DGKZ: variants seen among roughly 807,000 people sequenced by gnomAD.
The protein encoded by DGKZ is DAG kinase zeta.
In DGKZ, 45 loss-of-function variants were observed where a neutral mutation model predicts 142.5. That is an observed-to-expected ratio of 0.32 (90% CI 0.25 to 0.40). The LOEUF is 0.40. DGKZ is among the 10% of genes least tolerant of loss of function. The pLI is 1.00. For synonymous variants in DGKZ, 442 were observed against 527.0 expected (o/e 0.84, Z 2.21); for missense variants, 755 against 1,306.5 (o/e 0.58, Z 6.51).
upstream of DGKZ, among the ~76,000 whole-genome samples, chr11:46,346,794 G>A (rs1359508491): frequency 6.6e-6 from 1 of 152,180 alleles, no homozygotes; most frequent in Non-Finnish European, 1.5e-5. Context: ...TCAGGAAAAT[G>A]CGATGTGTTG....
upstream of DGKZ, among the ~76,000 whole-genome samples, chr11:46,346,739 G>A (rs1940660244): frequency 1.3e-5 from 2 of 152,166 alleles, no homozygotes; most frequent in Admixed American, 1.3e-4. Context: ...CTGTGCAGGT[G>A]ATTCCCGTAG....
Position 46,367,665 on chromosome 11 carries a change from A to G in DGKZ, c.284A>G (p.Tyr95Cys), listed in dbSNP as rs1231671913. 4 of 1,603,630 alleles carry G rather than the reference A, an allele frequency of 2.5e-6. No homozygotes were observed. The African/African-American group carries it at 4.0e-5, about 16-fold the overall frequency. ...TCCCGTGGCTAGGAGTCAGCGACAT[A>G]TGGGGAGCACATCTGGTTCGAGACC... The change falls in exon 3 of 31, where the codon TAT becomes TGT. Residue 95 changes from tyrosine (Y) to cysteine (C), a missense_variant. Physicochemically the swap from Tyr to Cys is radical, Grantham distance 194 (BLOSUM62 -2). Around this residue, in one of 8 missense-constraint regions of DGKZ, gnomAD observed 81 missense variants for 86.5 expected, o/e 0.94. Transcript: ENST00000527911. The surrounding 1 kb of genome is among the most constrained non-coding windows in gnomAD (Gnocchi z 4.1).
chr11:46,345,979 C>T (rs1590388393), upstream of DGKZ, among the ~76,000 whole-genome samples: 1 of 152,258 alleles, frequency 6.6e-6, no homozygotes, highest in Non-Finnish European at 1.5e-5. The surrounding 1 kb of genome is among the most constrained non-coding windows in gnomAD (Gnocchi z 4.1). Flanking sequence ...CCCAAAAGGA[C>T]CCATGCACCC....
chr11:46,358,755 C>T (rs948436626), intron 1 of DGKZ, among the ~76,000 whole-genome samples: 3 of 152,160 alleles, frequency 2.0e-5, no homozygotes, highest in Non-Finnish European at 2.9e-5. Flanking sequence ...TTTTGGAAAC[C>T]TTTTATTCAC....
At chr11:46,378,003 A>G (rs938244416) in intron 25 of DGKZ, 195 bp from the exon 26 acceptor site, 3 of 655,322 alleles carry the variant, frequency 4.6e-6, no homozygotes, top group Non-Finnish European at 8.0e-6. Context: ...CTGAACTAGA[A>G]TGTAAGCTCC....
At chr11:46,350,639 G>C (rs1019508555) in intron 1 of DGKZ, among the ~76,000 whole-genome samples, 3 of 152,204 alleles carry the variant, frequency 2.0e-5, no homozygotes, top group Non-Finnish European at 4.4e-5. Flanking sequence ...CTCATGGGGA[G>C]AGTTCCATGA....
At chr11:46,352,745 G>A (rs951960024) in intron 1 of DGKZ, among the ~76,000 whole-genome samples, 8 of 152,172 alleles carry the variant, frequency 5.3e-5, no homozygotes, top group South Asian at 2.1e-4. Flanking sequence ...AGGTTCTTCC[G>A]CTCCCCGAGT....
rs544246205 is a variant in DGKZ at position 46,341,951 on chromosome 11, G to A, written c.212+8464G>A. Among the ~76,000 whole-genome samples the A allele has an allele frequency of 2.8e-3, 429 of 152,304 alleles. 1 individual carries two copies. The highest frequency in any genetic ancestry group is 0.01 in the African/African-American group (419 of 41,540). On this transcript the variant is annotated intron_variant, in intron 1 of 30. Coordinates refer to the DGKZ transcript ENST00000343674. Reference sequence around the variant, plus strand: ...GAACAGCCAGAGAACGTAAGGAGCCGCGAAGGTCAGGCCAAGGAGGCTGGC... The same window carrying A: ...GAACAGCCAGAGAACGTAAGGAGCCACGAAGGTCAGGCCAAGGAGGCTGGC...
intron 1 of DGKZ, chr11:46,364,217 C>A: frequency 3.9e-6 from 1 of 257,156 alleles, no homozygotes; most frequent in Non-Finnish European, 6.1e-6. Context: ...ACTGACTCCA[C>A]ACTGACTTGC....
At chr11:46,380,292 AAG>A (rs1945072246), downstream of DGKZ, 1 of 184,968 alleles carries the variant, frequency 5.4e-6, no homozygotes. Context: ...GGCCTTCGGG[AAG>A]AGGCTTCCTG....
At chr11:46,378,689 C>T (rs1184977098) in intron 27 of DGKZ, 189 bp downstream of exon 27, 1 of 905,876 alleles carries the variant, frequency 1.1e-6, no homozygotes. Context: ...CAATAGATGG[C>T]TCCTAGTAGG....
chr11:46,349,335 G>T (rs1435491393), intron 1 of DGKZ, among the ~76,000 whole-genome samples: 3 of 152,312 alleles, frequency 2.0e-5, no homozygotes. Flanking sequence ...CACAGGCTCC[G>T]CAGGGGGAGG....
upstream of DGKZ, chr11:46,345,290 C>T (rs1377275982): frequency 8.8e-5 from 119 of 1,359,262 alleles, no homozygotes; most frequent in Non-Finnish European, 1.1e-4. This position sits in a 1 kb window ranked among gnomAD's most constrained non-coding sequence, Gnocchi z 4.1. Context: ...CAGCGGAAGG[C>T]GCCTATGAGC....
intron 1 of DGKZ, among the ~76,000 whole-genome samples, chr11:46,356,781 T>C (rs1942069167): frequency 1.3e-5 from 2 of 152,124 alleles, no homozygotes; most frequent in African/African-American, 4.8e-5. Flanking sequence ...ACTTAACCGC[T>C]TTGTCTCTCA....
intron 1 of DGKZ, chr11:46,366,779 C>T (rs1943335326): frequency 1.3e-6 from 2 of 1,548,248 alleles, no homozygotes; most frequent in Non-Finnish European, 1.7e-6. Flanking sequence ...CGTATATGAC[C>T]ACGCTCTCTG....
intron 19 of DGKZ, 51 bp from the exon 20 acceptor site, chr11:46,375,381 C>A (rs996250666): frequency 2.6e-6 from 4 of 1,517,214 alleles, no homozygotes; most frequent in East Asian, 2.4e-5. Context: ...GTCTGGGACC[C>A]CCCTGCCCCC....
Position 46,347,901 on chromosome 11 carries a change from G to A in DGKZ, c.161+81G>A. On this transcript the variant is annotated intron_variant, in intron 1 of 30. Coordinates refer to ENST00000527911, the Ensembl canonical transcript of DGKZ. This position sits in a 1 kb window ranked among gnomAD's most constrained non-coding sequence, Gnocchi z 6.4. ...CACCGGGGGACATTCCTCGGCCACT[G>A]GGGGTCCGGGCCACTTCGGTACTGA... 2.4e-6 allele frequency: 3 copies of A among 1,263,222 alleles called. No individual in the cohort carries two copies. Among genetic ancestry groups the A allele is most frequent in the Non-Finnish European group, 3.0e-6 (3 of 1,002,082 alleles). The allele number at this position is 1,263,222 out of a possible 1,614,324, so 78.3% of individuals were successfully genotyped here. A position where few individuals can be genotyped will look rare whatever the true frequency, so the allele number is the denominator to read the frequency against.
chr11:46,343,027 G>T (rs751685445), upstream of DGKZ, among the ~76,000 whole-genome samples: 18 of 152,062 alleles, frequency 1.2e-4, no homozygotes, highest in Non-Finnish European at 1.9e-4. Flanking sequence ...TGGGGGTTGA[G>T]GCACAAGAAT....
intron 1 of DGKZ, among the ~76,000 whole-genome samples, chr11:46,351,760 C>T (rs752708193): frequency 2.0e-5 from 3 of 152,188 alleles, no homozygotes; most frequent in Non-Finnish European, 2.9e-5. Context: ...GTTCATCTCA[C>T]TGTGTTTGCT....
Sources: allele counts gnomAD v4.1 joint callset (sites outside exome capture counted in the v4.1 genomes callset), GRCh38; gene constraint gnomAD v4.1.1; regional missense constraint gnomAD v4.1.1; non-coding constraint Gnocchi (gnomAD v3.1); transcripts MANE v1.5; gene names NCBI Gene and HGNC (gene_info 2026-07-23, HGNC 2026-07-21).